MYH9: variants seen among roughly 807,000 people sequenced by gnomAD.
MYH9 encodes myosin heavy chain 9.
In MYH9, 29 loss-of-function variants were observed where a neutral mutation model predicts 241.9. The ratio of observed to expected loss-of-function variants is 0.12; its 90% confidence interval spans 0.09 to 0.16. The LOEUF is 0.16. MYH9 is among the 10% of genes least tolerant of loss of function. The pLI is 1.00. For missense variants in MYH9, 1,803 were observed against 2,595.5 expected (o/e 0.69, Z 6.63); for synonymous variants, 1,047 against 1,062.6 (o/e 0.99, Z 0.29).
chr22:36,286,221 C>T (rs565328603), intron 35 of MYH9, among the ~76,000 whole-genome samples: 13 of 152,344 alleles, frequency 8.5e-5, no homozygotes, highest in African/African-American at 2.6e-4. Context: ...CCTGGCCTAA[C>T]CAGGGAGACC....
intron 3 of MYH9, among the ~76,000 whole-genome samples, chr22:36,335,017 A>G (rs537360924): frequency 6.6e-6 from 1 of 152,310 alleles, no homozygotes; most frequent in East Asian, 1.9e-4. Context: ...AGGCTGAGAC[A>G]GGCCCAGCAG....
intron 31 of MYH9, 82 bp from the exon 32 acceptor site, chr22:36,289,379 A>G: frequency 7.3e-7 from 1 of 1,376,934 alleles, no homozygotes; most frequent in Non-Finnish European, 1.0e-6. Flanking sequence ...TCCCTGGGGA[A>G]GGAGGAGCCC....
intron 31 of MYH9, 57 bp from the exon 32 acceptor site, chr22:36,289,354 C>T (rs1036170124): frequency 1.3e-6 from 2 of 1,518,098 alleles, no homozygotes; most frequent in Non-Finnish European, 1.8e-6. Context: ...CAGGGCAGGG[C>T]AGCTGGGCCT....
rs765844158 is a variant in MYH9, at chr22:36,292,142, G to A, written c.4188C>T (p.Gly1396=). 5.0e-6 allele frequency: 8 copies of A among 1,614,166 alleles called. No homozygotes were observed. In the East Asian group the frequency reaches 1.8e-4, roughly 36 times the overall value. ...CCTTCTCCTCGTGCCGCTGGCTCAG[G>A]CCCTCCAGGTCCTTCTGGAGCTTCC... ...VKRKLQKDLE[G]LSQRHEEKVA... is the part of the protein sequence containing the mutation. Residue 1396 remains glycine, a synonymous_variant, in exon 31 of 41, where the codon GGC becomes GGT. Transcript: ENST00000216181.
At chr22:36,364,247 C>T (rs909357609) in intron 1 of MYH9, among the ~76,000 whole-genome samples, 10 of 152,304 alleles carry the variant, frequency 6.6e-5, no homozygotes, top group African/African-American at 2.4e-4. Flanking sequence ...AAGCCACTTT[C>T]CCCCAGTAGC....
At position 36,320,943 on chromosome 22, in the gene MYH9, C is replaced by T; in HGVS notation, c.770-47G>A. 6.6e-7 allele frequency: 1 copy of T among 1,521,780 alleles called. No individual in the cohort carries two copies. The highest frequency in any genetic ancestry group is 2.3e-5 in the East Asian group (1 of 44,148). 94.3% of individuals were successfully genotyped at this position (1,521,780 alleles called of 1,614,324 possible). On this transcript the variant is annotated intron_variant, in intron 7 of 40. Transcript: ENST00000216181. The surrounding 1 kb of genome is among the most constrained non-coding windows in gnomAD (Gnocchi z 4.8). ...ACACAAGCTGGGGAGAAGGCAAGCC[C>T]TCCACTTTCCTCATTTTTTTTTTTT...
chr22:36,317,347 A>T (rs1404177956), intron 11 of MYH9, among the ~76,000 whole-genome samples: 1 of 151,812 alleles, frequency 6.6e-6, no homozygotes, highest in African/African-American at 2.4e-5. Flanking sequence ...CTGCCCAATG[A>T]TATTCATCAC....
At chr22:36,353,008 G>A (rs1271803724) in intron 1 of MYH9, among the ~76,000 whole-genome samples, 5 of 152,130 alleles carry the variant, frequency 3.3e-5, no homozygotes, top group South Asian at 2.1e-4. Flanking sequence ...AAGCCCCCTC[G>A]GCCACCTGGG....
chr22:36,304,240 G>T, intron 18 of MYH9, 85 bp from the exon 19 acceptor site: 1 of 1,435,388 alleles, frequency 7.0e-7, no homozygotes, highest in Non-Finnish European at 9.8e-7. Flanking sequence ...CTGGAGGTGT[G>T]CCCTTCACCC....
intron 10 of MYH9, 113 bp downstream of exon 10, chr22:36,319,427 A>C: frequency 1.0e-6 from 1 of 979,876 alleles, no homozygotes; most frequent in Non-Finnish European, 1.6e-6. Flanking sequence ...ATACCGACAG[A>C]TACTAACATT....
In MYH9 at chr22:36,294,131, G is replaced by A. The variant is rs780322509; in HGVS notation, c.3798C>T (p.Arg1266=). 15 of 1,611,520 alleles carry A rather than the reference G, an allele frequency of 9.3e-6. No individual in the cohort carries two copies. Among genetic ancestry groups the A allele is most frequent in the East Asian group, 2.2e-5 (1 of 44,884 alleles). The part of the protein sequence containing the change: ...ELQVKFNEGE[R]VRTELADKVT... ...CCTTGTCGGCCAGCTCTGTGCGCAC[G>A]CGCTCTCCCTCGTTGAACTTGACCT... The change falls in exon 28 of 41, where the codon CGC becomes CGT. Residue 1266 remains arginine (R), a synonymous_variant. Coordinates refer to ENST00000216181, the MANE Select transcript of MYH9 (RefSeq NM_002473.6).
In MYH9 at chr22:36,288,263, G is replaced by T; in HGVS notation, c.4921C>A (p.Arg1641=). ...KNRDEAIKQL[R]KLQAQMKDCM... ...CCGCCCACCCTTACCTGCAGCTTCC[G>T]CAGCTGTTTGATGGCTTCGTCCCGG... The change falls in exon 34 of 41, where the codon CGG becomes AGG. Residue 1641 remains arginine (R), a synonymous_variant. Transcript: ENST00000216181. The surrounding 1 kb of genome is among the most constrained non-coding windows in gnomAD (Gnocchi z 4.8). The T allele has an allele frequency of 6.2e-7, 1 of 1,613,838 alleles. No individual in the cohort carries two copies. The highest frequency in any genetic ancestry group is 8.5e-7 in the Non-Finnish European group (1 of 1,179,940).
intron 1 of MYH9, among the ~76,000 whole-genome samples, chr22:36,362,837 G>GT (rs2017955200): frequency 6.6e-6 from 1 of 152,150 alleles, no homozygotes. Context: ...AGCAGCAAAA[G>GT]TTTGAGGCCA....
intron 1 of MYH9, among the ~76,000 whole-genome samples, chr22:36,369,242 T>A (rs915377549): frequency 6.6e-6 from 1 of 152,060 alleles, no homozygotes; most frequent in Non-Finnish European, 1.5e-5. Flanking sequence ...AGCCAGAGAG[T>A]CCACAGAACT....
chr22:36,316,822 T>C (rs574127329), intron 11 of MYH9, among the ~76,000 whole-genome samples, 153 bp from the exon 12 acceptor site: 2 of 152,078 alleles, frequency 1.3e-5, no homozygotes, highest in South Asian at 2.1e-4. Context: ...TACACAAATA[T>C]GTTCACTGTG....
In MYH9 at chr22:36,292,176, T is replaced by A; in HGVS notation, c.4154A>T (p.Glu1385Val). The change falls in exon 31 of 41, where the codon GAG (glutamate) becomes GTG (valine). Residue 1385 changes from glutamate to valine, a missense_variant. Coordinates refer to ENST00000216181, the MANE Select transcript of MYH9 (RefSeq NM_002473.6). ...DSVGCLETAE[E>V]VKRKLQKDLE... ...GTCCTTCTGGAGCTTCCTCTTCACC[T>A]CCTCAGCAGTTTCCAGGCACCCCAC... 1 of 1,614,096 alleles carries A rather than the reference T, an allele frequency of 6.2e-7. No individual in the cohort carries two copies. Among genetic ancestry groups the A allele is most frequent in the Non-Finnish European group, 8.5e-7 (1 of 1,180,014 alleles).
intron 1 of MYH9, among the ~76,000 whole-genome samples, chr22:36,387,494 C>T (rs1324952794): frequency 1.3e-5 from 2 of 151,896 alleles, no homozygotes; most frequent in Admixed American, 1.3e-4. Context: ...TGGGGGAGGT[C>T]GGCTCCAGTG....
At chr22:36,355,232 G>A (rs921765737) in intron 1 of MYH9, among the ~76,000 whole-genome samples, 2 of 152,226 alleles carry the variant, frequency 1.3e-5, no homozygotes, top group Admixed American at 6.5e-5. Flanking sequence ...CACAACCAGA[G>A]GCTAAATTAG....
intron 13 of MYH9, among the ~76,000 whole-genome samples, chr22:36,313,506 C>A (rs1295692457): frequency 6.7e-6 from 1 of 150,206 alleles, no homozygotes; most frequent in Non-Finnish European, 1.5e-5. Flanking sequence ...ACAGCTCAGG[C>A]TTCATTACAG....
Sources: allele counts gnomAD v4.1 joint callset (sites outside exome capture counted in the v4.1 genomes callset), GRCh38; gene constraint gnomAD v4.1.1; non-coding constraint Gnocchi (gnomAD v3.1); transcripts MANE v1.5; gene names NCBI Gene and HGNC (gene_info 2026-07-23, HGNC 2026-07-21).